The following SULF1 variants were observed in gnomAD, a reference collection of about 807,000 sequenced individuals.
The protein encoded by SULF1 is sulfatase 1.
Under a neutral mutation model 110.5 loss-of-function variants are expected in SULF1, and 46 were observed. The observed-to-expected ratio is 0.42, with a 90% CI of 0.33 to 0.53. The LOEUF is 0.53. Among genes scored for constraint, SULF1 ranks in the 20% least tolerant of loss-of-function variants. The probability of loss-of-function intolerance (pLI) is 0.12; values close to 1 mark genes in which losing one functional copy is unlikely to be tolerated. For missense variants in SULF1, 941 were observed against 1,094.2 expected (o/e 0.86, Z 1.98); for synonymous variants, 371 against 387.1 (o/e 0.96, Z 0.49).
At chr8:69,546,380 C>A (rs937888658) in intron 3 of SULF1, among the ~76,000 whole-genome samples, 1 of 152,186 alleles carries the variant, frequency 6.6e-6, no homozygotes, top group Non-Finnish European at 1.5e-5. Flanking sequence ...CGTGGTCAGG[C>A]AAAGCTATGA....
intron 8 of SULF1, among the ~76,000 whole-genome samples, chr8:69,591,835 A>G (rs1806932232): frequency 6.6e-6 from 1 of 152,166 alleles, no homozygotes; most frequent in African/African-American, 2.4e-5. Flanking sequence ...TCATTCATTT[A>G]TGTATTGTCT....
intron 10 of SULF1, 107 bp downstream of exon 10, chr8:69,601,936 A>G: frequency 8.2e-7 from 1 of 1,225,900 alleles, no homozygotes; most frequent in Non-Finnish European, 1.1e-6. Context: ...AAAACAAAAA[A>G]GGATGTGTGT....
chr8:69,570,830 A>G (rs556698320), intron 5 of SULF1, among the ~76,000 whole-genome samples: 17 of 152,336 alleles, frequency 1.1e-4, no homozygotes, highest in Admixed American at 2.6e-4. Flanking sequence ...CTGCAGGAGC[A>G]ATGGAAGATG....
chr8:69,648,569 C>T (rs1812101375), intron 22 of SULF1, among the ~76,000 whole-genome samples: 1 of 152,156 alleles, frequency 6.6e-6, no homozygotes, highest in Non-Finnish European at 1.5e-5. Flanking sequence ...CAGGGAAGTA[C>T]ATTCTAGAAA....
intron 5 of SULF1, among the ~76,000 whole-genome samples, chr8:69,571,972 A>G (rs1403394843): frequency 6.6e-6 from 1 of 152,190 alleles, no homozygotes; most frequent in Non-Finnish European, 1.5e-5. Flanking sequence ...AGAGGCAACA[A>G]TTAACGCCAC....
chr8:69,643,273 A>G (rs1489818416), intron 22 of SULF1, among the ~76,000 whole-genome samples: 4 of 152,250 alleles, frequency 2.6e-5, no homozygotes, highest in Non-Finnish European at 4.4e-5. Flanking sequence ...ATGAGAACAG[A>G]TGCAAAACAA....
intron 13 of SULF1, among the ~76,000 whole-genome samples, chr8:69,616,172 A>ATG (rs1443104425): frequency 2.1e-5 from 3 of 145,998 alleles, no homozygotes; most frequent in African/African-American, 7.6e-5. Flanking sequence ...ATACATATAT[A>ATG]TGTGTATATA....
chr8:69,648,570 A>T (rs958750296), intron 22 of SULF1, among the ~76,000 whole-genome samples: 1 of 152,186 alleles, frequency 6.6e-6, no homozygotes, highest in Non-Finnish European at 1.5e-5. Context: ...AGGGAAGTAC[A>T]TTCTAGAAAT....
At chr8:69,583,290 G>A (rs944930335) in intron 6 of SULF1, among the ~76,000 whole-genome samples, 2 of 151,986 alleles carry the variant, frequency 1.3e-5, no homozygotes, top group Non-Finnish European at 2.9e-5. Flanking sequence ...TTGATTGGGC[G>A]CAGCGCCTCA....
chr8:69,514,028 A>T (rs1339611034), intron 3 of SULF1, among the ~76,000 whole-genome samples: 10 of 152,184 alleles, frequency 6.6e-5, no homozygotes, highest in Admixed American at 3.9e-4. Flanking sequence ...CAAGTCACTT[A>T]ATCTTTCTGG....
chr8:69,525,240 G>A (rs1812577164), intron 3 of SULF1, among the ~76,000 whole-genome samples: 1 of 152,086 alleles, frequency 6.6e-6, no homozygotes, highest in Non-Finnish European at 1.5e-5. Flanking sequence ...ACTTTTGGCA[G>A]GTTCTGCACC....
chr8:69,645,795 CTATTTTATGGAGTGTGTTA>C (rs1811863039), intron 22 of SULF1, among the ~76,000 whole-genome samples: 2 of 152,132 alleles, frequency 1.3e-5, no homozygotes, highest in Admixed American at 6.5e-5. Context: ...CAACCAGGGC[CTATTTTATGGAGTGTGTTA>C]TATGGAGAAT....
intron 19 of SULF1, chr8:69,637,507 A>G (rs1220111825): frequency 6.5e-6 from 1 of 153,052 alleles, no homozygotes; most frequent in Non-Finnish European, 1.5e-5. Flanking sequence ...GTAATACATT[A>G]TTAGCAAAAA....
At chr8:69,643,126 A>C (rs1447581938) in intron 22 of SULF1, among the ~76,000 whole-genome samples, 1 of 152,230 alleles carries the variant, frequency 6.6e-6, no homozygotes, top group Non-Finnish European at 1.5e-5. Flanking sequence ...CTTTCAGTGG[A>C]TATCCACATG....
intron 22 of SULF1, among the ~76,000 whole-genome samples, chr8:69,644,150 C>A (rs937462529): frequency 6.6e-6 from 1 of 152,206 alleles, no homozygotes; most frequent in Admixed American, 6.5e-5. Flanking sequence ...GATTTTGACT[C>A]ATCTCCCCCA....
At position 69,659,290 on chromosome 8, in the gene SULF1, G is replaced by A. The variant is rs1438093059; in HGVS notation, c.*755G>A. ...AAAGGAGAAGTCACAGCACCTAGAAGGCAGCGCCTCCTCTTCACTCTCCTC... is the reference window on the plus strand; with the variant it reads ...AAAGGAGAAGTCACAGCACCTAGAAAGCAGCGCCTCCTCTTCACTCTCCTC... On this transcript the variant is annotated 3_prime_UTR_variant, in exon 23 of 23. Coordinates refer to ENST00000402687, the MANE Select transcript of SULF1 (RefSeq NM_001128205.2). 2 of 434,586 alleles carry A rather than the reference G, an allele frequency of 4.6e-6. No homozygotes were observed. Among genetic ancestry groups the A allele is most frequent in the Non-Finnish European group, 9.2e-6 (2 of 217,714 alleles). The allele number at this position is 434,586 out of a possible 1,614,324, so 26.9% of individuals were successfully genotyped here.
intron 3 of SULF1, among the ~76,000 whole-genome samples, chr8:69,554,713 C>T (rs1814966020): frequency 6.6e-6 from 1 of 151,824 alleles, no homozygotes; most frequent in Admixed American, 6.6e-5. Flanking sequence ...GTCGCCGTGG[C>T]TCACACCTGT....
At chr8:69,635,321 A>G (rs1431366987) in intron 19 of SULF1, among the ~76,000 whole-genome samples, 3 of 152,254 alleles carry the variant, frequency 2.0e-5, no homozygotes, top group South Asian at 4.1e-4. Flanking sequence ...TGATGTCTCA[A>G]TATAGGCTCA....
intron 13 of SULF1, among the ~76,000 whole-genome samples, chr8:69,613,587 T>C (rs1053310175): frequency 6.6e-6 from 1 of 152,170 alleles, no homozygotes; most frequent in Non-Finnish European, 1.5e-5. Context: ...ATTTTAGATA[T>C]GAAGAGACTG....
Sources: gnomAD v4.1 joint callset for allele counts (sites outside exome capture counted in the v4.1 genomes callset) on GRCh38, gnomAD v4.1.1 for gene constraint, MANE v1.5 for transcripts, NCBI Gene and HGNC (gene_info 2026-07-23, HGNC 2026-07-21) for gene names.